The following WWP2 variants were observed in gnomAD, a reference collection of about 807,000 sequenced individuals.
WWP2 encodes NEDD4-like E3 ubiquitin-protein ligase WWP2.
In WWP2, 57 loss-of-function variants were observed where a neutral mutation model predicts 121.0. The observed-to-expected ratio is 0.47, with a 90% CI of 0.38 to 0.59. The LOEUF (loss-of-function observed/expected upper bound fraction) is 0.59, where lower values mean the gene tolerates loss of function less well. Among genes scored for constraint, WWP2 ranks in the 20% least tolerant of loss-of-function variants. The pLI is 0.00. For missense variants in WWP2, 962 were observed against 1,158.9 expected (o/e 0.83, Z 2.47); for synonymous variants, 449 against 441.3 (o/e 1.02, Z -0.22).
chr16:69,852,608 C>G (rs2057238962), intron 6 of WWP2, among the ~76,000 whole-genome samples: 1 of 152,172 alleles, frequency 6.6e-6, no homozygotes, highest in Non-Finnish European at 1.5e-5. Flanking sequence ...TGCTTATATT[C>G]CATCTGTATA....
At chr16:69,938,909 C>A in intron 21 of WWP2, 118 bp from the exon 22 acceptor site, 1 of 861,710 alleles carries the variant, frequency 1.2e-6, no homozygotes, top group Non-Finnish European at 1.9e-6. Flanking sequence ...CCCTGGCCAA[C>A]CTGGCTTTGT....
At chr16:69,793,171 T>G (rs2055949297) in intron 2 of WWP2, among the ~76,000 whole-genome samples, 1 of 152,002 alleles carries the variant, frequency 6.6e-6, no homozygotes. Flanking sequence ...GCCAAGATGG[T>G]GAAATCCTGT....
chr16:69,802,604 GTT>G (rs56105450), intron 4 of WWP2, among the ~76,000 whole-genome samples: 1,373 of 131,974 alleles, frequency 0.01, 13 homozygotes, highest in Non-Finnish European at 0.013. Flanking sequence ...CTTTCCTTTT[GTT>G]TTTTTTTTTT....
chr16:69,858,239 AG>A (rs1396683662), intron 6 of WWP2, among the ~76,000 whole-genome samples: 1 of 151,618 alleles, frequency 6.6e-6, no homozygotes, highest in Non-Finnish European at 1.5e-5. Context: ...TTTTTTGGGG[AG>A]GAAGGGGCTT....
At chr16:69,863,511 C>T (rs747404291) in intron 6 of WWP2, among the ~76,000 whole-genome samples, 6 of 151,898 alleles carry the variant, frequency 4.0e-5, no homozygotes, top group African/African-American at 7.3e-5. Context: ...AGGTGGCAGG[C>T]GCCTGTAATC....
chr16:69,768,060 A>C (rs964788724), intron 1 of WWP2, among the ~76,000 whole-genome samples: 1 of 151,352 alleles, frequency 6.6e-6, no homozygotes, highest in Non-Finnish European at 1.5e-5. Flanking sequence ...CTGGTCTTGA[A>C]CTCCGGGCTC....
chr16:69,925,072 G>T lies in WWP2; in HGVS notation c.1180-358G>T. 9.7e-7 allele frequency: 1 copy of T among 1,035,852 alleles called. No individual in the cohort carries two copies. The highest frequency in any genetic ancestry group is 1.2e-6 in the Non-Finnish European group (1 of 862,972). The allele number at this position is 1,035,852 out of a possible 1,614,324, so 64.2% of individuals were successfully genotyped here. A position where few individuals can be genotyped will look rare whatever the true frequency, so the allele number is the denominator to read the frequency against. ...TGGCCGCCTTGAGCCGGAGCTGAGC[G>T]GAGGCACTGGGCCGAGCCTGCTTCC... On this transcript the variant is annotated intron_variant, in intron 10 of 23. Coordinates refer to ENST00000359154, the MANE Select transcript of WWP2 (RefSeq NM_001270454.2). The surrounding 1 kb of genome is among the most constrained non-coding windows in gnomAD (Gnocchi z 4.0).
chr16:69,848,763 T>G (rs1271631380), intron 6 of WWP2, among the ~76,000 whole-genome samples: 1 of 150,986 alleles, frequency 6.6e-6, no homozygotes, highest in Non-Finnish European at 1.5e-5. Context: ...CATGAGAGAG[T>G]GTGTATGTGT....
intron 8 of WWP2, among the ~76,000 whole-genome samples, chr16:69,907,355 C>T (rs1447801271): frequency 6.6e-6 from 1 of 152,156 alleles, no homozygotes; most frequent in Non-Finnish European, 1.5e-5. Context: ...TCCCATTATG[C>T]TCACATCGTC....
At chr16:69,844,637 A>G (rs2057036399) in intron 6 of WWP2, among the ~76,000 whole-genome samples, 1 of 152,230 alleles carries the variant, frequency 6.6e-6, no homozygotes, top group Non-Finnish European at 1.5e-5. Flanking sequence ...ACACCAGGTC[A>G]TCGGTGTTGC....
At chr16:69,822,647 G>A (rs1007645071) in intron 4 of WWP2, among the ~76,000 whole-genome samples, 2 of 152,064 alleles carry the variant, frequency 1.3e-5, no homozygotes, top group African/African-American at 4.8e-5. Context: ...ATCGTCTAGA[G>A]GAACAAGAGA....
rs2058862438 is a variant in WWP2, at chr16:69,940,234, C to A, written c.*294C>A. On this transcript the variant is annotated 3_prime_UTR_variant, in exon 24 of 24. Transcript: ENST00000359154. ...CTCTCCCCTGTCCTCTAGACCCCACCCTGGGTGTATGTGAGTGTGCAAGGG... is the reference window on the plus strand; with the variant it reads ...CTCTCCCCTGTCCTCTAGACCCCACACTGGGTGTATGTGAGTGTGCAAGGG... 1 of 425,730 alleles carries A rather than the reference C, an allele frequency of 2.3e-6. No homozygotes were observed. Among genetic ancestry groups the A allele is most frequent in the Non-Finnish European group, 4.2e-6 (1 of 236,944 alleles). The allele number at this position is 425,730 out of a possible 1,614,324, so 26.4% of individuals were successfully genotyped here.
At position 69,920,114 on chromosome 16, in the gene WWP2, A is replaced by G. The variant is rs140516280; in HGVS notation, c.1179+2231A>G. On this transcript the variant is annotated intron_variant, in intron 10 of 23. Coordinates refer to ENST00000359154, the MANE Select transcript of WWP2 (RefSeq NM_001270454.2). The stretch of plus-strand genomic sequence containing the variant: ...CCAGCTGATGGACCCCCGACTTTTA[A>G]TCATCAGCCATAAGTCACTGTAGCA... 5.0e-3 allele frequency among the ~76,000 whole-genome samples: 767 copies of G among 152,180 alleles called. 4 individuals are homozygous for G. The highest frequency in any genetic ancestry group is 6.8e-3 in the Non-Finnish European group (465 of 67,998).
intron 4 of WWP2, among the ~76,000 whole-genome samples, chr16:69,839,760 T>C (rs2056941164): frequency 1.3e-5 from 2 of 152,238 alleles, no homozygotes; most frequent in African/African-American, 2.4e-5. Flanking sequence ...TCGGTTTCTA[T>C]GGGCAGGGGG....
intron 8 of WWP2, among the ~76,000 whole-genome samples, chr16:69,891,523 A>T (rs2151942519): frequency 6.6e-6 from 1 of 152,326 alleles, no homozygotes; most frequent in East Asian, 1.9e-4. Flanking sequence ...TTCTTTCATT[A>T]GACAGAATAT....
intron 5 of WWP2, among the ~76,000 whole-genome samples, chr16:69,841,483 A>C (rs1156731584): frequency 3.9e-5 from 6 of 152,046 alleles, no homozygotes; most frequent in Non-Finnish European, 8.8e-5. Flanking sequence ...CAAGAAGGAG[A>C]GAGAATGGAG....
Position 69,939,038 on chromosome 16 carries a change from G to A in WWP2, c.2355G>A (p.Glu785=), listed in dbSNP as rs1409508614. ...TTGCGGACTTCCAGGTGGTGAAGGA[G>A]ATGGACAACGAGAAGAGGATCCGGC... ...QIQWFWQVVK[E]MDNEKRIRLL... is the part of the protein sequence containing the mutation. Residue 785 remains glutamate, a synonymous_variant, in exon 22 of 24, where the codon GAG becomes GAA. Coordinates refer to ENST00000359154, the MANE Select transcript of WWP2 (RefSeq NM_001270454.2). 4 of 1,604,036 alleles carry A rather than the reference G, an allele frequency of 2.5e-6. No homozygotes were observed. Among genetic ancestry groups the A allele is most frequent in the Non-Finnish European group, 2.6e-6 (3 of 1,174,820 alleles).
intron 11 of WWP2, among the ~76,000 whole-genome samples, chr16:69,927,354 G>A (rs1217315653): frequency 1.3e-5 from 2 of 152,132 alleles, no homozygotes; most frequent in Non-Finnish European, 2.9e-5. Flanking sequence ...GAGAGACCCC[G>A]CATCTTCCCC....
intron 6 of WWP2, among the ~76,000 whole-genome samples, chr16:69,845,073 G>A (rs1374417040): frequency 6.6e-6 from 1 of 152,066 alleles, no homozygotes; most frequent in Non-Finnish European, 1.5e-5. Flanking sequence ...ATCGAATCCT[G>A]GCCTGTCATT....
Sources: gnomAD v4.1 joint callset for allele counts (sites outside exome capture counted in the v4.1 genomes callset) on GRCh38, gnomAD v4.1.1 for gene constraint, Gnocchi (gnomAD v3.1) non-coding constraint, MANE v1.5 for transcripts, NCBI Gene and HGNC (gene_info 2026-07-23, HGNC 2026-07-21) for gene names.